The following SLIT1 variants were observed in gnomAD, a reference collection of about 807,000 sequenced individuals.
SLIT1 encodes slit homolog 1 protein.
In SLIT1, 66 loss-of-function variants were observed where a neutral mutation model predicts 186.1. The ratio of observed to expected loss-of-function variants is 0.35; its 90% CI spans 0.29 to 0.44. The LOEUF is 0.44. SLIT1 is among the 20% of genes least tolerant of loss of function. SLIT1 has a pLI of 1.00. For synonymous variants in SLIT1, 761 were observed against 833.8 expected (o/e 0.91, Z 1.50); for missense variants, 1,638 against 2,037.4 (o/e 0.80, Z 3.77).
chr10:97,033,023 C>T (rs1229924629), intron 23 of SLIT1, among the ~76,000 whole-genome samples: 1 of 151,476 alleles, frequency 6.6e-6, no homozygotes, highest in East Asian at 1.9e-4. Context: ...AGGGGATTAT[C>T]AAGAATAGCA....
At position 97,040,039 on chromosome 10, in the gene SLIT1, T is replaced by C; in HGVS notation, c.2246A>G (p.Asn749Ser). The C allele has an allele frequency of 6.2e-7, 1 of 1,613,496 alleles. No individual in the cohort carries two copies. The highest frequency in any genetic ancestry group is 1.3e-5 in the African/African-American group (1 of 75,032). Residue 749 changes from asparagine to serine, a missense_variant, in exon 21 of 37, where the codon AAC becomes AGC. This residue lies in a region of SLIT1 where 1,245 missense variants were observed against 1,535.3 expected (regional missense o/e 0.81). Coordinates refer to ENST00000266058, the MANE Select transcript of SLIT1 (RefSeq NM_003061.3). Reference sequence around the variant, plus strand: ...CTTGGGCAGGGCCCGCAGGTGCTTGTTGCTGCATCGGACCACGGTGTCCAG... The same window carrying C: ...CTTGGGCAGGGCCCGCAGGTGCTTGCTGCTGCATCGGACCACGGTGTCCAG... ...ACLDTVVRCSNKHLRALPKGI... is the reference protein window; with the variant it reads ...ACLDTVVRCSSKHLRALPKGI...
intron 4 of SLIT1, among the ~76,000 whole-genome samples, chr10:97,129,505 ACT>A (rs1383370427): frequency 6.6e-6 from 1 of 152,174 alleles, no homozygotes; most frequent in Non-Finnish European, 1.5e-5. Flanking sequence ...ACAAATGTTC[ACT>A]GTTACTAGAC....
chr10:97,037,240 A>C (rs546686896), intron 22 of SLIT1, among the ~76,000 whole-genome samples: 1 of 152,046 alleles, frequency 6.6e-6, no homozygotes, highest in African/African-American at 2.4e-5. Flanking sequence ...GATTACAGGC[A>C]TGTGCCACCA....
chr10:97,102,783 G>T (rs1010725464), intron 4 of SLIT1: 1 of 152,258 alleles, frequency 6.6e-6, no homozygotes, highest in Non-Finnish European at 1.5e-5. Context: ...AGGCCTGGGG[G>T]CCCACAAACC....
Position 97,042,883 on chromosome 10 carries a change from C to T in SLIT1, c.2164+18G>A, listed in dbSNP as rs773774033. ...CCCAGGGCGCCCTCTCCCTTGCCAC[C>T]GGGGGGCCACGAGTTACCTTCCTCA... On this transcript the variant is annotated intron_variant, in intron 20 of 36. Transcript: ENST00000266058. 9.3e-6 allele frequency: 15 copies of T among 1,610,762 alleles called. No homozygotes were observed. The highest frequency in any genetic ancestry group is 2.7e-5 in the African/African-American group (2 of 74,896).
intron 4 of SLIT1, among the ~76,000 whole-genome samples, chr10:97,085,173 T>C (rs1849146007): frequency 6.6e-6 from 1 of 152,066 alleles, no homozygotes; most frequent in African/African-American, 2.4e-5. Flanking sequence ...TCCACCCTCC[T>C]TTGCCTCCCA....
chr10:97,014,442 G>A (rs1383437988), intron 28 of SLIT1, among the ~76,000 whole-genome samples: 1 of 152,224 alleles, frequency 6.6e-6, no homozygotes, highest in East Asian at 1.9e-4. Context: ...CAGAGGGGCA[G>A]GAGACACCTG....
At chr10:97,005,052 G>A (rs1848348485) in intron 32 of SLIT1, among the ~76,000 whole-genome samples, 1 of 152,202 alleles carries the variant, frequency 6.6e-6, no homozygotes, top group African/African-American at 2.4e-5. Context: ...TCCAGGCAGG[G>A]GAGGGTGATG....
At chr10:97,143,924 G>C (rs1223181597) in intron 4 of SLIT1, among the ~76,000 whole-genome samples, 1 of 152,166 alleles carries the variant, frequency 6.6e-6, no homozygotes, top group Non-Finnish European at 1.5e-5. Context: ...CAGGCTGAGC[G>C]CAGTGGCTCA....
intron 36 of SLIT1, 70 bp downstream of exon 36, chr10:97,002,088 G>T: frequency 9.7e-7 from 1 of 1,031,328 alleles, no homozygotes; most frequent in South Asian, 1.9e-5. Flanking sequence ...AGACTGGGAG[G>T]AAGAGTCAAA....
Position 97,021,249 on chromosome 10 carries a change from CCTT to C in SLIT1, c.2744_2746del (p.Gln915_Gly916delinsArg). On this transcript the variant is annotated inframe_deletion and splice_region_variant, in exon 26 of 37. Coordinates refer to ENST00000266058, the MANE Select transcript of SLIT1 (RefSeq NM_003061.3). The surrounding 1 kb of genome is among the most constrained non-coding windows in gnomAD (Gnocchi z 4.5). ...GCAGGAGGCTGTGCTCCTAGGCTCA[CCTT>C]GGCATTCAAACTTCTTGGCAGGCGT... 6.2e-7 allele frequency: 1 copy of C among 1,613,550 alleles called. No individual in the cohort carries two copies. Among genetic ancestry groups the C allele is most frequent in the East Asian group, 2.2e-5 (1 of 44,882 alleles).
chr10:97,071,525 T>C (rs1426058685), intron 4 of SLIT1, among the ~76,000 whole-genome samples: 2 of 152,244 alleles, frequency 1.3e-5, no homozygotes, highest in African/African-American at 4.8e-5. Flanking sequence ...AACCTTGTTC[T>C]AGAAAGCCTT....
Position 97,031,701 on chromosome 10 carries a change from A to T in SLIT1, c.2439-24T>A. 1.9e-6 allele frequency: 3 copies of T among 1,544,184 alleles called. No homozygotes were observed. The South Asian group carries it at 3.6e-5, about 18-fold the overall frequency. ...TCCTGCGGAGGAAGGAGATGGAGGA[A>T]GGGCACTGTGTTAGTGCCTGGCCCC... On this transcript the variant is annotated intron_variant, in intron 23 of 36. Coordinates refer to ENST00000266058, the MANE Select transcript of SLIT1 (RefSeq NM_003061.3).
Position 97,057,898 on chromosome 10 carries a change from G to A in SLIT1, c.1086-617C>T. The A allele has an allele frequency of 5.8e-6, 4 of 691,542 alleles. No homozygotes were observed. In the South Asian group the frequency reaches 6.2e-5, roughly 11 times the overall value. The allele number at this position is 691,542 out of a possible 1,614,324, so 42.8% of individuals were successfully genotyped here. On this transcript the variant is annotated intron_variant, in intron 11 of 36. Transcript: ENST00000266058. ...AGTGAAAACATCCAGGAGGTTTGGG[G>A]AGGGGGGTTGTATGCCATTCCCAAT... is the stretch of plus-strand genomic sequence containing the variant.
chr10:97,159,604 A>C (rs960284485), intron 3 of SLIT1, among the ~76,000 whole-genome samples: 7 of 152,230 alleles, frequency 4.6e-5, no homozygotes, highest in Non-Finnish European at 8.8e-5. Context: ...ATGGAAAATT[A>C]AAGGACACTA....
chr10:97,013,923 A>G, intron 29 of SLIT1, 89 bp from the exon 30 acceptor site: 1 of 1,555,184 alleles, frequency 6.4e-7, no homozygotes, highest in Non-Finnish European at 8.7e-7. Flanking sequence ...TCCTGCAGAC[A>G]CTGAGGCAGG....
At chr10:97,017,603 AGGG>A (rs1388143041) in intron 28 of SLIT1, among the ~76,000 whole-genome samples, 140 of 152,134 alleles carry the variant, frequency 9.2e-4, no homozygotes, top group Non-Finnish European at 1.6e-3. Context: ...GCAGGGCCGG[AGGG>A]CTATCCCCTC....
At chr10:97,182,993 C>A (rs1850362066) in intron 1 of SLIT1, among the ~76,000 whole-genome samples, 1 of 151,588 alleles carries the variant, frequency 6.6e-6, no homozygotes, top group African/African-American at 2.4e-5. Context: ...AAGACGTCTG[C>A]AAGAAAGCAG....
intron 13 of SLIT1, among the ~76,000 whole-genome samples, chr10:97,055,254 T>G (rs10882864): frequency 0.37 from 56,527 of 152,046 alleles, 11,612 homozygotes; most frequent in African/African-American, 0.54. Flanking sequence ...GCATAACATG[T>G]AAGAGACACT....
Sources: gnomAD v4.1 joint callset for allele counts (sites outside exome capture counted in the v4.1 genomes callset) on GRCh38, gnomAD v4.1.1 for gene constraint, gnomAD v4.1.1 regional missense constraint, Gnocchi (gnomAD v3.1) non-coding constraint, MANE v1.5 for transcripts, NCBI Gene and HGNC (gene_info 2026-07-23, HGNC 2026-07-21) for gene names.